RAB3GAP2: variants seen among roughly 807,000 people sequenced by gnomAD.
RAB3GAP2 encodes rab3 GTPase-activating protein non-catalytic subunit.
Under a neutral mutation model 185.3 loss-of-function variants are expected in RAB3GAP2, and 87 were observed. The observed-to-expected ratio is 0.47, with a 90% CI of 0.39 to 0.56. The LOEUF (loss-of-function observed/expected upper bound fraction) is 0.56, where lower values mean the gene tolerates loss of function less well. RAB3GAP2 is among the 20% of genes least tolerant of loss of function. RAB3GAP2 has a pLI of 0.00. For missense variants in RAB3GAP2, 1,492 were observed against 1,638.2 expected (o/e 0.91, Z 1.54); for synonymous variants, 554 against 576.1 (o/e 0.96, Z 0.55).
chr1:220,242,767 AAT>A (rs1342136963), intron 1 of RAB3GAP2, among the ~76,000 whole-genome samples: 2 of 152,192 alleles, frequency 1.3e-5, no homozygotes, highest in Non-Finnish European at 2.9e-5. Flanking sequence ...TGTGACTTCA[AAT>A]ATAAGGTAAT....
intron 26 of RAB3GAP2, among the ~76,000 whole-genome samples, chr1:220,166,484 C>T (rs1268655359): frequency 6.6e-6 from 1 of 152,128 alleles, no homozygotes; most frequent in African/African-American, 2.4e-5. Flanking sequence ...GATCATGGCA[C>T]CTTCATTTTA....
At chr1:220,168,969 C>T (rs1187184901) in intron 24 of RAB3GAP2, among the ~76,000 whole-genome samples, 1 of 152,168 alleles carries the variant, frequency 6.6e-6, no homozygotes. Flanking sequence ...ACAGTAAATT[C>T]ACAATTATCA....
intron 1 of RAB3GAP2, chr1:220,266,857 T>C: frequency 6.3e-7 from 1 of 1,596,808 alleles, no homozygotes; most frequent in Admixed American, 1.7e-5. Context: ...TGGCTCCCTC[T>C]GTTACAAAGT....
intron 2 of RAB3GAP2, among the ~76,000 whole-genome samples, chr1:220,215,333 A>G (rs1470696204): frequency 6.6e-6 from 1 of 152,148 alleles, no homozygotes; most frequent in Admixed American, 6.6e-5. Flanking sequence ...TCCATCAGCA[A>G]TTTTTGAAAG....
At position 220,150,558 on chromosome 1, in the gene RAB3GAP2, C is replaced by T. The variant is rs969167685; in HGVS notation, c.*693G>A. The T allele has an allele frequency of 4.0e-4, 59 of 148,912 alleles. No homozygotes were observed. The highest frequency in any genetic ancestry group is 1.4e-3 in the African/African-American group (57 of 40,420). The allele number at this position is 148,912 out of a possible 1,614,324, so 9.2% of individuals were successfully genotyped here. A position where few individuals can be genotyped will look rare whatever the true frequency, so the allele number is the denominator to read the frequency against. ...TTGGCAAAAAGCAAATCTTAACTTACATTATAATTAATTTGCTGCATTTTA... is the reference window on the plus strand; with the variant it reads ...TTGGCAAAAAGCAAATCTTAACTTATATTATAATTAATTTGCTGCATTTTA... On this transcript the variant is annotated 3_prime_UTR_variant, in exon 35 of 35. Coordinates refer to ENST00000358951, the MANE Select transcript of RAB3GAP2 (RefSeq NM_012414.4).
intron 1 of RAB3GAP2, among the ~76,000 whole-genome samples, chr1:220,244,504 C>A (rs989186008): frequency 2.0e-5 from 3 of 152,048 alleles, no homozygotes; most frequent in Non-Finnish European, 4.4e-5. Context: ...ACATTCAATG[C>A]AATTTCCATC....
chr1:220,221,011 C>CACCA (rs1659295804), intron 2 of RAB3GAP2, among the ~76,000 whole-genome samples: 1 of 152,176 alleles, frequency 6.6e-6, no homozygotes, highest in African/African-American at 2.4e-5. Context: ...GGGCTAGGTG[C>CACCA]ACCATTACCA....
In RAB3GAP2 at chr1:220,189,736, A is replaced by C; in HGVS notation, c.1746T>G (p.Ile582Met). 6.5e-7 allele frequency: 1 copy of C among 1,544,524 alleles called. No homozygotes were observed. ...DLVETEIKELILDIKYPATKK... is the reference protein window; with the variant it reads ...DLVETEIKELMLDIKYPATKK... ...TGGTTGCAGGGTATTTAATATCAAGAATTAATTCCTTTATTTCTGTTTCAA... is the reference window on the plus strand; with the variant it reads ...TGGTTGCAGGGTATTTAATATCAAGCATTAATTCCTTTATTTCTGTTTCAA... The change falls in exon 17 of 35, where the codon ATT becomes ATG. Residue 582 changes from isoleucine to methionine, a missense_variant. Around this residue, in one of 5 missense-constraint regions of RAB3GAP2, gnomAD observed 681 missense variants for 689.1 expected, o/e 0.99. Coordinates refer to ENST00000358951, the MANE Select transcript of RAB3GAP2 (RefSeq NM_012414.4).
chr1:220,220,265 C>A (rs76464423), intron 2 of RAB3GAP2: 1 of 152,244 alleles, frequency 6.6e-6, no homozygotes, highest in Non-Finnish European at 1.5e-5. Context: ...CTCTGAGAGC[C>A]AGCCCGTCCC....
At chr1:220,204,673 G>A (rs188379856) in intron 8 of RAB3GAP2, among the ~76,000 whole-genome samples, 1 of 151,878 alleles carries the variant, frequency 6.6e-6, no homozygotes, top group Admixed American at 6.6e-5. Flanking sequence ...CCATATTGGT[G>A]CGCTGCACCC....
At chr1:220,225,793 C>T (rs1659391451) in intron 2 of RAB3GAP2, among the ~76,000 whole-genome samples, 1 of 152,326 alleles carries the variant, frequency 6.6e-6, no homozygotes, top group Admixed American at 6.5e-5. Context: ...AAGTGTTCTT[C>T]TTCCGCCTCT....
intron 8 of RAB3GAP2, among the ~76,000 whole-genome samples, chr1:220,204,175 G>T (rs919041992): frequency 5.3e-5 from 8 of 152,062 alleles, no homozygotes; most frequent in Admixed American, 5.2e-4. Flanking sequence ...ATCTCATATT[G>T]CAATCAAAAA....
intron 1 of RAB3GAP2, among the ~76,000 whole-genome samples, chr1:220,234,197 A>C (rs1659552301): frequency 1.3e-5 from 2 of 152,080 alleles, no homozygotes; most frequent in Admixed American, 6.5e-5. Flanking sequence ...TCAGTGCCTG[A>C]CACATACCAA....
chr1:220,201,585 C>T (rs545597661), intron 9 of RAB3GAP2, among the ~76,000 whole-genome samples: 13 of 152,168 alleles, frequency 8.5e-5, no homozygotes, highest in Admixed American at 3.3e-4. Flanking sequence ...CTGCAACCTC[C>T]ACCTCCCGGG....
chr1:220,220,411 AC>A (rs1659285175), intron 2 of RAB3GAP2: 2 of 152,558 alleles, frequency 1.3e-5, no homozygotes, highest in South Asian at 2.1e-4. Context: ...CAGACCGCTG[AC>A]CCTGATAAGT....
At chr1:220,213,717 G>T in intron 3 of RAB3GAP2, 139 bp downstream of exon 3, 1 of 766,386 alleles carries the variant, frequency 1.3e-6, no homozygotes, top group Non-Finnish European at 2.0e-6. Flanking sequence ...GGGAGGGAGG[G>T]GGCGGAGGAG....
Position 220,148,671 on chromosome 1 carries a change from T to TA in RAB3GAP2, c.*2579dup, listed in dbSNP as rs1369677790. On this transcript the variant is annotated 3_prime_UTR_variant, in exon 35 of 35. Transcript: ENST00000358951. Reference sequence around the variant, plus strand: ...TGACTTTTTAGATCGCAATTGTTTTTAAAAAGCAATTTAAATGTAACAGTG... The same window carrying TA: ...TGACTTTTTAGATCGCAATTGTTTTTAAAAAAGCAATTTAAATGTAACAGTG... The TA allele has an allele frequency of 6.6e-6, 1 of 152,202 alleles. No individual in the cohort carries two copies. The highest frequency in any genetic ancestry group is 1.5e-5 in the Non-Finnish European group (1 of 68,022). 9.4% of individuals were successfully genotyped at this position (152,202 alleles called of 1,614,324 possible).
chr1:220,164,634 A>G, intron 27 of RAB3GAP2, 99 bp downstream of exon 27: 2 of 1,500,294 alleles, frequency 1.3e-6, no homozygotes, highest in Non-Finnish European at 1.8e-6. Flanking sequence ...ATAATCAAAT[A>G]AAAATTTAAT....
rs371989175 is a variant in RAB3GAP2 at position 220,172,619 on chromosome 1, G to C, written c.2416+18C>G. On this transcript the variant is annotated intron_variant, in intron 22 of 34. Transcript: ENST00000358951. Reference sequence around the variant, plus strand: ...CAAACACGAAACTTTGTTGACGAGAGCAACAAACTTTGTTTACCTTTCATC... The same window carrying C: ...CAAACACGAAACTTTGTTGACGAGACCAACAAACTTTGTTTACCTTTCATC... 140 of 1,530,422 alleles carry C rather than the reference G, an allele frequency of 9.1e-5. No homozygotes were observed. The highest frequency in any genetic ancestry group is 1.2e-4 in the Non-Finnish European group (134 of 1,103,718). 94.8% of individuals were successfully genotyped at this position (1,530,422 alleles called of 1,614,324 possible).
Sources: gnomAD v4.1 joint callset for allele counts (sites outside exome capture counted in the v4.1 genomes callset) on GRCh38, gnomAD v4.1.1 for gene constraint, gnomAD v4.1.1 regional missense constraint, MANE v1.5 for transcripts, NCBI Gene and HGNC (gene_info 2026-07-23, HGNC 2026-07-21) for gene names.